Variants in KLF12 observed in about 807,000 individuals in gnomAD.
The protein encoded by KLF12 is Krueppel-like factor 12.
KLF12 carries 9 observed loss-of-function variants against 37.8 expected under a neutral mutation model. The ratio of observed to expected loss-of-function variants is 0.24; its 90% CI spans 0.14 to 0.42. KLF12 has a LOEUF of 0.42. Ranked by LOEUF, KLF12 falls within the 10% of genes least tolerant of loss-of-function variation. The probability of loss-of-function intolerance (pLI) is 1.00; values close to 1 mark genes in which losing one functional copy is unlikely to be tolerated. For missense variants in KLF12, 411 were observed against 516.0 expected (o/e 0.80, Z 1.97); for synonymous variants, 208 against 202.1 (o/e 1.03, Z -0.25).
At chr13:73,984,958 T>C (rs1891785382) in intron 2 of KLF12, among the ~76,000 whole-genome samples, 1 of 152,178 alleles carries the variant, frequency 6.6e-6, no homozygotes, top group African/African-American at 2.4e-5. Flanking sequence ...TATAATCACC[T>C]GGATGAACAG....
At chr13:73,979,090 A>G (rs992080097) in intron 2 of KLF12, among the ~76,000 whole-genome samples, 1 of 152,212 alleles carries the variant, frequency 6.6e-6, no homozygotes, top group Non-Finnish European at 1.5e-5. Context: ...ATCAGAGGAT[A>G]TGTACCATTG....
chr13:73,731,190 G>A (rs970555557), intron 6 of KLF12, among the ~76,000 whole-genome samples: 1 of 152,040 alleles, frequency 6.6e-6, no homozygotes, highest in Non-Finnish European at 1.5e-5. Context: ...GGCGAGAGAG[G>A]AGCGAATGGT....
At chr13:74,290,529 T>C in the KLF12 span, among the ~76,000 whole-genome samples, 5 of 152,290 alleles carry the variant, frequency 3.3e-5, no homozygotes, top group Admixed American at 2.0e-4. Flanking sequence ...CTTCCACAAA[T>C]AGAGCAGTAA....
At chr13:73,941,523 C>T (rs536167261) in intron 3 of KLF12, among the ~76,000 whole-genome samples, 2 of 152,228 alleles carry the variant, frequency 1.3e-5, no homozygotes, top group African/African-American at 4.8e-5. Context: ...ATGAGGAAGT[C>T]ATGAAATATT....
At chr13:73,783,896 T>C (rs1185302373) in intron 5 of KLF12, among the ~76,000 whole-genome samples, 1 of 152,150 alleles carries the variant, frequency 6.6e-6, no homozygotes, top group Non-Finnish European at 1.5e-5. Context: ...TTCCTTAGAA[T>C]GGGCTATCAT....
At chr13:74,183,849 A>C in the KLF12 span, among the ~76,000 whole-genome samples, 1 of 152,144 alleles carries the variant, frequency 6.6e-6, no homozygotes, top group Admixed American at 6.6e-5. Context: ...TGGTGGGAGG[A>C]TTGCTTGAGC....
chr13:74,079,036 C>T (rs569495237), intron 1 of KLF12, among the ~76,000 whole-genome samples: 2 of 152,262 alleles, frequency 1.3e-5, no homozygotes, highest in African/African-American at 2.4e-5. Context: ...ACTTGATATA[C>T]GGTATTCTCT....
At chr13:74,247,531 A>G in the KLF12 span, among the ~76,000 whole-genome samples, 2 of 152,218 alleles carry the variant, frequency 1.3e-5, no homozygotes, top group African/African-American at 2.4e-5. Context: ...CTCCGACAGG[A>G]TACCTCATAG....
At chr13:74,234,966 A>G in the KLF12 span, among the ~76,000 whole-genome samples, 12 of 152,222 alleles carry the variant, frequency 7.9e-5, no homozygotes, top group Non-Finnish European at 1.2e-4. Context: ...CTATCTATCT[A>G]TCTAACTATC....
intron 3 of KLF12, among the ~76,000 whole-genome samples, chr13:73,870,721 A>T (rs910165440): frequency 2.8e-4 from 42 of 152,324 alleles, no homozygotes; most frequent in African/African-American, 8.7e-4. Context: ...GGGTGGAGGG[A>T]TAATCACTGA....
intron 5 of KLF12, among the ~76,000 whole-genome samples, chr13:73,785,985 CTTT>C: frequency 6.6e-6 from 1 of 152,140 alleles, no homozygotes; most frequent in Admixed American, 6.6e-5. Flanking sequence ...TCCCAGAGGC[CTTT>C]GCAACTAAGC....
At chr13:73,893,624 T>C (rs1381147437) in intron 3 of KLF12, among the ~76,000 whole-genome samples, 1 of 152,006 alleles carries the variant, frequency 6.6e-6, no homozygotes, top group East Asian at 1.9e-4. Context: ...TCAGGTGATC[T>C]GCTCGAGTTG....
At chr13:73,959,126 A>AAAAAAAAAAAAAAAAC (rs1890941475) in intron 2 of KLF12, among the ~76,000 whole-genome samples, 1 of 150,750 alleles carries the variant, frequency 6.6e-6, no homozygotes, top group African/African-American at 2.4e-5. Flanking sequence ...CCCCCTTCCA[A>AAAAAAAAAAAAAAAAC]AAAAAAACGC....
intron 4 of KLF12, among the ~76,000 whole-genome samples, chr13:73,829,588 C>T (rs1188357986): frequency 6.6e-6 from 1 of 152,052 alleles, no homozygotes; most frequent in African/African-American, 2.4e-5. Context: ...AGGTCTAGTA[C>T]CAAGTTCTTC....
At chr13:73,866,887 G>A (rs9543478) in intron 3 of KLF12, among the ~76,000 whole-genome samples, 1 of 139,608 alleles carries the variant, frequency 7.2e-6, no homozygotes, top group Non-Finnish European at 1.5e-5. Context: ...GGGCAAAAAG[G>A]GGGGGGGGAA....
At chr13:73,780,477 T>C (rs1019517489) in intron 5 of KLF12, among the ~76,000 whole-genome samples, 1 of 151,988 alleles carries the variant, frequency 6.6e-6, no homozygotes, top group African/African-American at 2.4e-5. Context: ...AATGGTTTTT[T>C]TTTTTTTTCT....
intron 4 of KLF12, among the ~76,000 whole-genome samples, chr13:73,839,407 T>C (rs1420767053): frequency 6.6e-6 from 1 of 152,058 alleles, no homozygotes; most frequent in African/African-American, 2.4e-5. Context: ...CTGTCTGACA[T>C]TACCTTCTAT....
intron 2 of KLF12, among the ~76,000 whole-genome samples, chr13:73,946,844 C>T (rs1263031467): frequency 6.6e-6 from 1 of 152,136 alleles, no homozygotes; most frequent in East Asian, 1.9e-4. Flanking sequence ...TAAACAAAAG[C>T]GTTCAGTATC....
chr13:74,086,335 T>C (rs1316904057), intron 1 of KLF12, among the ~76,000 whole-genome samples: 1 of 145,704 alleles, frequency 6.9e-6, no homozygotes, highest in Non-Finnish European at 1.5e-5. Flanking sequence ...GTTCTCATTG[T>C]TCAGTTCCCA....
Sources: allele counts gnomAD v4.1 joint callset (sites outside exome capture counted in the v4.1 genomes callset), GRCh38; gene constraint gnomAD v4.1.1; transcripts MANE v1.5; gene names NCBI Gene and HGNC (gene_info 2026-07-23, HGNC 2026-07-21).